ORC4: variants seen among roughly 807,000 people sequenced by gnomAD.
The protein encoded by ORC4 is origin recognition complex, subunit 4 homolog.
Under a neutral mutation model 63.9 loss-of-function variants are expected in ORC4, and 55 were observed. The observed-to-expected ratio is 0.86, with a 90% CI of 0.69 to 1.08. The LOEUF is 1.08. Among genes scored for constraint, ORC4 ranks in the 50% least tolerant of loss-of-function variants. ORC4 has a pLI of 0.00. For missense variants in ORC4, 511 were observed against 504.4 expected (o/e 1.01, Z -0.13); for synonymous variants, 150 against 168.5 (o/e 0.89, Z 0.85).
At chr2:148,020,425 A>G (rs1026185335) in intron 1 of ORC4, among the ~76,000 whole-genome samples, 2 of 152,140 alleles carry the variant, frequency 1.3e-5, no homozygotes, top group Admixed American at 6.5e-5. Context: ...ATTCCTCGGC[A>G]AGCTCACGGG....
intron 4 of ORC4, among the ~76,000 whole-genome samples, chr2:147,972,075 T>C (rs1257902507): frequency 1.3e-5 from 2 of 152,108 alleles, no homozygotes; most frequent in Non-Finnish European, 2.9e-5. Flanking sequence ...TTGAAATTAA[T>C]TGCTTTCAAA....
chr2:147,952,267 A>C, intron 8 of ORC4, 106 bp downstream of exon 8: 1 of 845,754 alleles, frequency 1.2e-6, no homozygotes, highest in Non-Finnish European at 1.9e-6. Context: ...GCTGAAACAA[A>C]ATTTTTAAAA....
At chr2:147,973,376 C>G in intron 3 of ORC4, 72 bp downstream of exon 3, 1 of 901,584 alleles carries the variant, frequency 1.1e-6, no homozygotes, top group Non-Finnish European at 1.9e-6. Flanking sequence ...CAAATTTGTA[C>G]AATAATTTTT....
chr2:147,960,052 T>C (rs1689500885), intron 4 of ORC4, among the ~76,000 whole-genome samples: 1 of 152,206 alleles, frequency 6.6e-6, no homozygotes, highest in Non-Finnish European at 1.5e-5. Context: ...TCTTGATATT[T>C]TGCTTAATAT....
At chr2:148,004,073 A>T (rs1197415880) in intron 1 of ORC4, among the ~76,000 whole-genome samples, 2 of 152,202 alleles carry the variant, frequency 1.3e-5, no homozygotes, top group African/African-American at 4.8e-5. Context: ...GACCGCTTCA[A>T]GGAGAACTAC....
chr2:147,948,439 T>C (rs928966976), intron 8 of ORC4, among the ~76,000 whole-genome samples: 1 of 152,072 alleles, frequency 6.6e-6, no homozygotes, highest in African/African-American at 2.4e-5. Flanking sequence ...TTTCCCACCA[T>C]GTTACTCTCA....
At position 147,932,233 on chromosome 2, in the gene ORC4, G is replaced by A. The variant is rs1377646215; in HGVS notation, c.*3277C>T. 3.3e-5 allele frequency: 5 copies of A among 151,598 alleles called. No individual in the cohort carries two copies. Among genetic ancestry groups the A allele is most frequent in the Non-Finnish European group, 7.4e-5 (5 of 67,950 alleles). 9.4% of individuals were successfully genotyped at this position (151,598 alleles called of 1,614,324 possible). On this transcript the variant is annotated 3_prime_UTR_variant, in exon 14 of 14. Coordinates refer to ENST00000392857, the MANE Select transcript of ORC4 (RefSeq NM_181741.4). ...GCTTCAAAGAGAATAAAATACCTAG[G>A]AATCCAACTTACAAGGGATGTGAAG... is the stretch of plus-strand genomic sequence containing the variant.
chr2:147,984,581 A>G (rs1035507101), intron 1 of ORC4, among the ~76,000 whole-genome samples: 2 of 152,172 alleles, frequency 1.3e-5, no homozygotes, highest in African/African-American at 4.8e-5. Context: ...TCAACTGCGT[A>G]TGGAGGAAAT....
intron 9 of ORC4, among the ~76,000 whole-genome samples, chr2:147,947,437 G>C (rs749260239): frequency 1.3e-5 from 2 of 152,026 alleles, no homozygotes; most frequent in Non-Finnish European, 2.9e-5. Flanking sequence ...AGTGTGTTGA[G>C]AATATTTTAA....
intron 4 of ORC4, among the ~76,000 whole-genome samples, chr2:147,968,865 G>C (rs190088197): frequency 1.1e-4 from 16 of 151,950 alleles, no homozygotes; most frequent in African/African-American, 3.9e-4. Context: ...CAATAGCCAT[G>C]ATATGGATCA....
At chr2:147,986,870 T>C (rs1260145345) in intron 1 of ORC4, among the ~76,000 whole-genome samples, 1 of 149,366 alleles carries the variant, frequency 6.7e-6, no homozygotes, top group Non-Finnish European at 1.5e-5. Flanking sequence ...AGGTAAATAA[T>C]TATAGTAGCA....
At chr2:147,951,299 C>A (rs1272768933) in intron 8 of ORC4, 5 of 152,168 alleles carry the variant, frequency 3.3e-5, no homozygotes, top group Non-Finnish European at 7.3e-5. Flanking sequence ...GGAGGCATGG[C>A]AGTCATAGCA....
chr2:147,973,344 G>A, intron 3 of ORC4, 104 bp downstream of exon 3: 1 of 777,836 alleles, frequency 1.3e-6, no homozygotes, highest in Non-Finnish European at 2.3e-6. Flanking sequence ...CTATAAAAGT[G>A]TTTGTTAGCT....
chr2:147,973,574 TA>T (rs771546488), intron 2 of ORC4, 50 bp from the exon 3 acceptor site: 2 of 1,013,038 alleles, frequency 2.0e-6, no homozygotes, highest in South Asian at 1.4e-5. Context: ...ACACATGATA[TA>T]AAAAATAAAT....
intron 1 of ORC4, among the ~76,000 whole-genome samples, chr2:148,008,674 C>T (rs1692766355): frequency 6.6e-6 from 1 of 152,160 alleles, no homozygotes; most frequent in Admixed American, 6.5e-5. Flanking sequence ...AAGCATTCAC[C>T]CTGTCATTCT....
rs1688000700 is a variant in ORC4, at chr2:147,935,530, A to G, written c.1291T>C (p.Ser431Pro). 3.1e-6 allele frequency: 5 copies of G among 1,613,170 alleles called. No homozygotes were observed. The highest frequency in any genetic ancestry group is 3.4e-6 in the Non-Finnish European group (4 of 1,179,320). Reference protein sequence around the residue: ...CPTDVRQWATSSLSWL With the variant: ...CPTDVRQWATPSLSWL ...TATATTCATAACCAGCTTAGTGAGG[A>G]TGTTGCCCACTGCCTCACATCTGTA... The change falls in exon 14 of 14, where the codon TCC (serine) becomes CCC (proline). Residue 431 changes from serine (S) to proline (P), a missense_variant. Ser to Pro is a moderately conservative substitution (Grantham distance 74). Transcript: ENST00000392857.
intron 1 of ORC4, among the ~76,000 whole-genome samples, chr2:147,984,578 C>T (rs181532394): frequency 1.4e-3 from 220 of 152,200 alleles, no homozygotes; most frequent in South Asian, 3.1e-3. Context: ...GAGTCAACTG[C>T]GTATGGAGGA....
At chr2:148,015,034 G>A (rs529689267) in intron 1 of ORC4, among the ~76,000 whole-genome samples, 8 of 150,954 alleles carry the variant, frequency 5.3e-5, no homozygotes, top group East Asian at 3.9e-4. Context: ...TAATAATCTC[G>A]ATGAATACAG....
chr2:148,021,513 A>ACTGCTG, upstream of ORC4: 2 of 567,594 alleles, frequency 3.5e-6, no homozygotes, highest in Non-Finnish European at 3.4e-6. Flanking sequence ...TGCTGCTGCT[A>ACTGCTG]CTGCTGCTGC....
Sources: gnomAD v4.1 joint callset for allele counts (sites outside exome capture counted in the v4.1 genomes callset) on GRCh38, gnomAD v4.1.1 for gene constraint, MANE v1.5 for transcripts, NCBI Gene and HGNC (gene_info 2026-07-23, HGNC 2026-07-21) for gene names.